Variants in ANK3 observed in about 807,000 individuals in gnomAD.
The protein encoded by ANK3 is ankyrin-3.
A neutral mutation model predicts 370.9 loss-of-function variants in ANK3; 57 were observed. The ratio of observed to expected loss-of-function variants is 0.15; its 90% CI spans 0.12 to 0.19. The LOEUF (loss-of-function observed/expected upper bound fraction) is 0.19, where lower values mean the gene tolerates loss of function less well. Ranked by LOEUF, ANK3 falls within the 10% of genes least tolerant of loss-of-function variation. The pLI is 1.00. For synonymous variants in ANK3, 1,929 were observed against 1,946.3 expected (o/e 0.99, Z 0.23); for missense variants, 4,439 against 5,302.1 (o/e 0.84, Z 5.06).
intron 2 of ANK3, among the ~76,000 whole-genome samples, chr10:60,400,565 GT>G (rs753698505): frequency 1.1e-4 from 16 of 148,610 alleles, no homozygotes; most frequent in African/African-American, 2.0e-4. Context: ...TCATTCCAAG[GT>G]TTTTTTTTTA....
At chr10:60,030,835 C>A (rs1019968956) in intron 43 of ANK3, among the ~76,000 whole-genome samples, 1 of 152,156 alleles carries the variant, frequency 6.6e-6, no homozygotes, top group South Asian at 2.1e-4. Flanking sequence ...CGGGCAAACA[C>A]CCAGTTTGGT....
chr10:60,090,091 G>A lies in ANK3; in HGVS notation c.3329-1733C>T, dbSNP rs184420217. 2.0e-4 allele frequency among the ~76,000 whole-genome samples: 31 copies of A among 152,178 alleles called. No homozygotes were observed. In the East Asian group the frequency reaches 5.4e-3, roughly 27 times the overall value. ...TAATCCCAGCACTTTGGGAGGCCGA[G>A]GCAGATTACGAGGTCAGGAGTTCAA... is the stretch of plus-strand genomic sequence containing the variant. On this transcript the variant is annotated intron_variant, in intron 28 of 43. Transcript: ENST00000280772.
At chr10:60,081,073 T>C (rs1286948218) in intron 35 of ANK3, among the ~76,000 whole-genome samples, 1 of 151,224 alleles carries the variant, frequency 6.6e-6, no homozygotes, top group African/African-American at 2.4e-5. Context: ...TTAGAAGTAC[T>C]TTTTTTTTGG....
intron 23 of ANK3, chr10:60,146,067 T>A: frequency 2.6e-6 from 4 of 1,528,814 alleles, no homozygotes; most frequent in Non-Finnish European, 2.6e-6. Flanking sequence ...CAAAACAAAA[T>A]ATAGGGACCA....
intron 2 of ANK3, among the ~76,000 whole-genome samples, chr10:60,607,814 G>C (rs2078148138): frequency 6.6e-6 from 1 of 152,212 alleles, no homozygotes; most frequent in Non-Finnish European, 1.5e-5. Context: ...GCACGCAGAT[G>C]AGTAGCCAAG....
chr10:60,355,513 A>G (rs2057587485), intron 1 of ANK3, among the ~76,000 whole-genome samples: 1 of 152,156 alleles, frequency 6.6e-6, no homozygotes, highest in Non-Finnish European at 1.5e-5. Flanking sequence ...GTTCTTCCAT[A>G]TGGCTTTATC....
At chr10:60,138,198 A>T (rs1423356913) in intron 24 of ANK3, among the ~76,000 whole-genome samples, 2 of 152,176 alleles carry the variant, frequency 1.3e-5, no homozygotes, top group African/African-American at 4.8e-5. Flanking sequence ...CAGATCCTTA[A>T]ACTATAGGAA....
At chr10:60,140,537 T>C (rs912969325) in intron 23 of ANK3, 37 of 1,440,118 alleles carry the variant, frequency 2.6e-5, no homozygotes, top group African/African-American at 8.7e-5. Context: ...TCGTAGGCAA[T>C]TGAGGAATTA....
At chr10:60,081,654 T>C (rs919883679) in intron 35 of ANK3, 13 of 332,276 alleles carry the variant, frequency 3.9e-5, no homozygotes, top group Admixed American at 3.5e-4. Context: ...TTAAACGTGA[T>C]CTTGATTTAA....
intron 1 of ANK3, among the ~76,000 whole-genome samples, chr10:60,700,613 C>T (rs1246707455): frequency 6.6e-6 from 1 of 152,108 alleles, no homozygotes; most frequent in Non-Finnish European, 1.5e-5. Context: ...GGTATTGAAA[C>T]AATAATAGGC....
intron 7 of ANK3, among the ~76,000 whole-genome samples, chr10:60,243,160 T>C (rs1277687549): frequency 2.6e-5 from 4 of 152,214 alleles, no homozygotes; most frequent in Non-Finnish European, 5.9e-5. Flanking sequence ...CTAATTAACC[T>C]TAGGTAAGTT....
intron 1 of ANK3, among the ~76,000 whole-genome samples, chr10:60,341,086 T>A (rs1335625497): frequency 1.3e-5 from 2 of 152,182 alleles, no homozygotes; most frequent in Non-Finnish European, 2.9e-5. Context: ...GCCACTGCCA[T>A]CTGACCACTT....
chr10:60,378,682 T>G (rs1341861966), intron 1 of ANK3, among the ~76,000 whole-genome samples: 1 of 152,086 alleles, frequency 6.6e-6, no homozygotes, highest in Admixed American at 6.6e-5. Flanking sequence ...TTTCCCTTCT[T>G]ACCCTACATA....
intron 2 of ANK3, among the ~76,000 whole-genome samples, chr10:60,452,752 C>A (rs1384917392): frequency 1.3e-5 from 2 of 152,196 alleles, no homozygotes; most frequent in Non-Finnish European, 2.9e-5. Flanking sequence ...GGTTTTCCTG[C>A]AGATTTGGGT....
intron 2 of ANK3, among the ~76,000 whole-genome samples, chr10:60,513,821 A>G (rs1286856283): frequency 6.6e-6 from 1 of 152,208 alleles, no homozygotes; most frequent in Non-Finnish European, 1.5e-5. Context: ...ATGAATTAAA[A>G]TAGCCTTACA....
At chr10:60,475,340 G>C (rs917689553) in intron 2 of ANK3, among the ~76,000 whole-genome samples, 1 of 152,092 alleles carries the variant, frequency 6.6e-6, no homozygotes, top group East Asian at 1.9e-4. Flanking sequence ...AGTTGAAAAT[G>C]ATTATACTGT....
At chr10:60,380,610 T>C (rs2061427871) in intron 1 of ANK3, among the ~76,000 whole-genome samples, 1 of 152,186 alleles carries the variant, frequency 6.6e-6, no homozygotes, top group Non-Finnish European at 1.5e-5. Flanking sequence ...CCTGGCCCAC[T>C]GTAGTCCCTC....
intron 23 of ANK3, among the ~76,000 whole-genome samples, chr10:60,157,988 G>A (rs1339078001): frequency 5.4e-5 from 8 of 149,532 alleles, no homozygotes; most frequent in Non-Finnish European, 1.5e-5. Context: ...ATAATAATAG[G>A]GAACTTTACA....
intron 27 of ANK3, among the ~76,000 whole-genome samples, chr10:60,106,428 G>C (rs1773244616): frequency 6.6e-6 from 1 of 151,904 alleles, no homozygotes; most frequent in African/African-American, 2.4e-5. Context: ...AAATGCTAAT[G>C]ATTTAAAAGG....
Sources: allele counts gnomAD v4.1 joint callset (sites outside exome capture counted in the v4.1 genomes callset), GRCh38; gene constraint gnomAD v4.1.1; transcripts MANE v1.5; gene names NCBI Gene and HGNC (gene_info 2026-07-23, HGNC 2026-07-21).